The following C14orf132 variants were observed in gnomAD, a reference collection of about 807,000 sequenced individuals.
The protein encoded by C14orf132 is uncharacterized protein C14orf132.
Under a neutral mutation model 5.8 loss-of-function variants are expected in C14orf132, and 6 were observed. The ratio of observed to expected loss-of-function variants is 1.03; its 90% CI spans 0.57 to 2.04. The LOEUF is 2.04. Ranked by LOEUF, C14orf132 falls within the 30% of genes most tolerant of loss-of-function variation. The probability of loss-of-function intolerance (pLI) is 0.00; values close to 1 mark genes in which losing one functional copy is unlikely to be tolerated. For synonymous variants in C14orf132, 51 were observed against 49.8 expected (o/e 1.02, Z -0.10); for missense variants, 125 against 115.8 (o/e 1.08, Z -0.37).
At position 96,070,262 on chromosome 14, in the gene C14orf132, C is replaced by T. The variant is rs140267858; in HGVS notation, c.28-16249C>T. Among the ~76,000 whole-genome samples the T allele has an allele frequency of 5.9e-5, 9 of 152,276 alleles. 1 individual carries two copies. The highest frequency in any genetic ancestry group is 1.9e-4 in the African/African-American group (8 of 41,564). On this transcript the variant is annotated intron_variant, in intron 1 of 1. Coordinates refer to ENST00000555004, the MANE Select transcript of C14orf132 (RefSeq NM_001252507.3). Reference sequence around the variant, plus strand: ...GGTGCCTAGAGTCCTACGTTCTTTACCTCGTTGTTTACTTTTTAAATAATT... The same window carrying T: ...GGTGCCTAGAGTCCTACGTTCTTTATCTCGTTGTTTACTTTTTAAATAATT...
intron 1 of C14orf132, among the ~76,000 whole-genome samples, chr14:96,071,047 T>A (rs983275892): frequency 1.3e-5 from 2 of 152,196 alleles, no homozygotes; most frequent in African/African-American, 4.8e-5. Context: ...ATCATGATGC[T>A]AATAAGGACA....
chr14:96,083,787 G>A (rs1037058813), intron 1 of C14orf132, among the ~76,000 whole-genome samples: 1 of 152,224 alleles, frequency 6.6e-6, no homozygotes, highest in Non-Finnish European at 1.5e-5. Context: ...TACTGTGCTT[G>A]TGGGAATTAG....
intron 1 of C14orf132, among the ~76,000 whole-genome samples, chr14:96,062,231 C>T (rs753815339): frequency 5.3e-5 from 8 of 152,088 alleles, no homozygotes; most frequent in Non-Finnish European, 1.0e-4. Context: ...CCACAGTCTG[C>T]CCACTAGGGT....
intron 1 of C14orf132, among the ~76,000 whole-genome samples, chr14:96,048,947 T>C (rs566569978): frequency 6.6e-6 from 1 of 152,236 alleles, no homozygotes; most frequent in Non-Finnish European, 1.5e-5. Context: ...CTTTTTGAGA[T>C]GGAGTCTCGC....
chr14:96,084,028 C>T (rs372611213), intron 1 of C14orf132, among the ~76,000 whole-genome samples: 10 of 152,324 alleles, frequency 6.6e-5, no homozygotes, highest in Non-Finnish European at 1.0e-4. Context: ...GTCCAGGTTC[C>T]CTTCCTCTTT....
At chr14:96,081,973 G>GC (rs1044087505) in intron 1 of C14orf132, among the ~76,000 whole-genome samples, 1 of 152,060 alleles carries the variant, frequency 6.6e-6, no homozygotes, top group Non-Finnish European at 1.5e-5. Context: ...AGGGAAACAA[G>GC]CCCCCCTCGC....
rs1886633790 is a variant in C14orf132, at chr14:96,039,732, C to G, written c.27+205C>G. Among the ~76,000 whole-genome samples, 1 of 152,160 alleles carries G rather than the reference C, an allele frequency of 6.6e-6. No individual in the cohort carries two copies. The highest frequency in any genetic ancestry group is 6.5e-5 in the Admixed American group (1 of 15,284). Reference sequence around the variant, plus strand: ...CTCCCGGGGTGGGGCGGGCTGCGCGCCCCGCACCCCCGCGGCTCGAGCTGT... The same window carrying G: ...CTCCCGGGGTGGGGCGGGCTGCGCGGCCCGCACCCCCGCGGCTCGAGCTGT... On this transcript the variant is annotated intron_variant, in intron 1 of 1. Transcript: ENST00000555004. This position sits in a 1 kb window ranked among gnomAD's most constrained non-coding sequence, Gnocchi z 5.3.
At chr14:96,077,911 C>A (rs1445915871) in intron 1 of C14orf132, among the ~76,000 whole-genome samples, 1 of 152,232 alleles carries the variant, frequency 6.6e-6, no homozygotes, top group Non-Finnish European at 1.5e-5. Context: ...CTCTTTTGTG[C>A]ATGCAGTTTG....
At chr14:96,046,550 G>A (rs1326157900) in intron 1 of C14orf132, among the ~76,000 whole-genome samples, 2 of 152,208 alleles carry the variant, frequency 1.3e-5, no homozygotes, top group Non-Finnish European at 2.9e-5. Flanking sequence ...GCTACATATT[G>A]GGGAGATCCA....
At chr14:96,053,528 C>G (rs981794339) in intron 1 of C14orf132, among the ~76,000 whole-genome samples, 8 of 152,228 alleles carry the variant, frequency 5.3e-5, no homozygotes, top group African/African-American at 1.4e-4. Context: ...CCCCTGGCCC[C>G]CAGAATGGGA....
chr14:96,053,010 G>A (rs1208006414), intron 1 of C14orf132, among the ~76,000 whole-genome samples: 1 of 152,104 alleles, frequency 6.6e-6, no homozygotes, highest in African/African-American at 2.4e-5. Flanking sequence ...CAACCACCCC[G>A]GTTTCTGCAG....
intron 1 of C14orf132, among the ~76,000 whole-genome samples, chr14:96,052,629 G>T (rs903063694): frequency 1.2e-4 from 18 of 152,130 alleles, no homozygotes; most frequent in African/African-American, 4.1e-4. Flanking sequence ...ATCAGCTTGC[G>T]GGGCACCTCC....
At chr14:96,050,219 A>C (rs920793649) in intron 1 of C14orf132, among the ~76,000 whole-genome samples, 5 of 152,188 alleles carry the variant, frequency 3.3e-5, no homozygotes, top group African/African-American at 4.8e-5. Flanking sequence ...ATTCCCATAA[A>C]TATTCTTGTG....
At chr14:96,043,479 C>T (rs973860750) in intron 1 of C14orf132, among the ~76,000 whole-genome samples, 18 of 152,180 alleles carry the variant, frequency 1.2e-4, no homozygotes, top group African/African-American at 4.1e-4. Context: ...TTGTCTTGCA[C>T]TGTCCCGTCC....
intron 1 of C14orf132, among the ~76,000 whole-genome samples, chr14:96,072,250 C>T (rs1380300513): frequency 6.6e-6 from 1 of 152,196 alleles, no homozygotes; most frequent in Non-Finnish European, 1.5e-5. Flanking sequence ...TCTCGATTTG[C>T]CAAGCACCTT....
In C14orf132 at chr14:96,092,874, T is replaced by G. The variant is rs903916605; in HGVS notation, c.*6139T>G. 1 of 152,238 alleles carries G rather than the reference T, an allele frequency of 6.6e-6. No homozygotes were observed. Among genetic ancestry groups the G allele is most frequent in the Non-Finnish European group, 1.5e-5 (1 of 68,060 alleles). The allele number at this position is 152,238 out of a possible 1,614,324, so 9.4% of individuals were successfully genotyped here. A position where few individuals can be genotyped will look rare whatever the true frequency, so the allele number is the denominator to read the frequency against. ...TTGATTCTCACAGCTTGGTGGGGACTGCTATTGGTATCTCATGGGTGGAGG... is the reference window on the plus strand; with the variant it reads ...TTGATTCTCACAGCTTGGTGGGGACGGCTATTGGTATCTCATGGGTGGAGG... On this transcript the variant is annotated 3_prime_UTR_variant, in exon 2 of 2. Transcript: ENST00000555004.
chr14:96,082,371 T>C (rs879477330), intron 1 of C14orf132, among the ~76,000 whole-genome samples: 4 of 152,204 alleles, frequency 2.6e-5, no homozygotes, highest in Admixed American at 6.5e-5. Context: ...ACAAGCCAGC[T>C]CCTGATCAAA....
chr14:96,064,324 A>G (rs752645625), intron 1 of C14orf132, among the ~76,000 whole-genome samples: 1 of 150,808 alleles, frequency 6.6e-6, no homozygotes, highest in Non-Finnish European at 1.5e-5. Flanking sequence ...CCAAATGCCC[A>G]TCAATCATCG....
At chr14:96,069,742 G>A (rs1038402806) in intron 1 of C14orf132, among the ~76,000 whole-genome samples, 23 of 152,318 alleles carry the variant, frequency 1.5e-4, no homozygotes, top group African/African-American at 5.1e-4. Context: ...GGAAATGCAT[G>A]CCACAAAATC....
Sources: allele counts gnomAD v4.1 joint callset (sites outside exome capture counted in the v4.1 genomes callset), GRCh38; gene constraint gnomAD v4.1.1; non-coding constraint Gnocchi (gnomAD v3.1); transcripts MANE v1.5; gene names NCBI Gene and HGNC (gene_info 2026-07-23, HGNC 2026-07-21).